Variants in STX2 observed in about 807,000 individuals in gnomAD.
The protein encoded by STX2 is syntaxin 2.
STX2 carries 27 observed loss-of-function variants against 40.6 expected under a neutral mutation model. The ratio of observed to expected loss-of-function variants is 0.66; its 90% confidence interval spans 0.49 to 0.92. STX2 has a LOEUF of 0.92. Among genes scored for constraint, STX2 ranks in the 40% least tolerant of loss-of-function variants. The probability of loss-of-function intolerance (pLI) is 0.00; values close to 1 mark genes in which losing one functional copy is unlikely to be tolerated. For missense variants in STX2, 328 were observed against 366.1 expected (o/e 0.90, Z 0.85); for synonymous variants, 123 against 119.1 (o/e 1.03, Z -0.22).
Position 130,839,223 on chromosome 12 carries a change from C to A in STX2, c.-124G>T, listed in dbSNP as rs867862842. ...CCCGGCCCGGCGCCAGCAGCCCTCC[C>A]TGGAGCCGGCGCTGCCACGGCAACC... On this transcript the variant is annotated 5_prime_UTR_variant, in exon 1 of 11. The change creates a new upstream start codon in the 5' untranslated region. Coordinates refer to ENST00000392373, the MANE Select transcript of STX2 (RefSeq NM_194356.4). 2.3e-6 allele frequency: 2 copies of A among 877,798 alleles called. No individual in the cohort carries two copies. The highest frequency in any genetic ancestry group is 2.8e-6 in the Non-Finnish European group (2 of 717,028). 54.4% of individuals were successfully genotyped at this position (877,798 alleles called of 1,614,324 possible).
intron 2 of STX2, among the ~76,000 whole-genome samples, chr12:130,822,059 C>T (rs1479456564): frequency 6.6e-6 from 1 of 152,190 alleles, no homozygotes; most frequent in African/African-American, 2.4e-5. Context: ...CCAAGCATGA[C>T]ACAGATGGGG....
chr12:130,812,910 A>G, intron 4 of STX2, 47 bp downstream of exon 4: 1 of 1,264,894 alleles, frequency 7.9e-7, no homozygotes, highest in Middle Eastern at 2.0e-4. Flanking sequence ...AATAACAAAT[A>G]CCCATACTCC....
chr12:130,827,468 A>G (rs1189967003), intron 1 of STX2, among the ~76,000 whole-genome samples: 2 of 152,240 alleles, frequency 1.3e-5, no homozygotes, highest in Admixed American at 1.3e-4. Context: ...TGAAGCAGCC[A>G]GAAGGTGGAA....
At chr12:130,799,719 TAGG>T (rs1436321765) in intron 8 of STX2, among the ~76,000 whole-genome samples, 1 of 150,988 alleles carries the variant, frequency 6.6e-6, no homozygotes, top group Non-Finnish European at 1.5e-5. Context: ...GAGGCTGAGG[TAGG>T]AGAACTGCTT....
chr12:130,838,734 G>C (rs189540082), intron 1 of STX2, among the ~76,000 whole-genome samples: 1 of 152,126 alleles, frequency 6.6e-6, no homozygotes, highest in Non-Finnish European at 1.5e-5. Context: ...GCGGAGTGAC[G>C]GACAGGGAGC....
At chr12:130,814,466 G>A (rs973797803) in intron 3 of STX2, among the ~76,000 whole-genome samples, 1 of 151,998 alleles carries the variant, frequency 6.6e-6, no homozygotes, top group African/African-American at 2.4e-5. Flanking sequence ...CAGAGCAGCG[G>A]GACGGTGGGC....
chr12:130,806,863 G>T, intron 6 of STX2, 119 bp downstream of exon 6: 4 of 945,718 alleles, frequency 4.2e-6, no homozygotes, highest in Non-Finnish European at 6.4e-6. Flanking sequence ...TGGTCTTTGG[G>T]TTTTACACTA....
At chr12:130,820,903 A>C (rs1952087678) in intron 3 of STX2, among the ~76,000 whole-genome samples, 1 of 151,940 alleles carries the variant, frequency 6.6e-6, no homozygotes, top group South Asian at 2.1e-4. Context: ...TGATGTGTGG[A>C]CTCCTATTTG....
At chr12:130,838,809 T>G (rs1404731787) in intron 1 of STX2, among the ~76,000 whole-genome samples, 1 of 150,914 alleles carries the variant, frequency 6.6e-6, no homozygotes, top group African/African-American at 2.4e-5. Flanking sequence ...CAACCCGCCC[T>G]GAGGACTCCG....
At chr12:130,818,134 A>T (rs1364400223) in intron 3 of STX2, among the ~76,000 whole-genome samples, 4 of 142,066 alleles carry the variant, frequency 2.8e-5, no homozygotes, top group African/African-American at 5.4e-5. Flanking sequence ...GGGAGGGGAC[A>T]GGAGAGGGGT....
chr12:130,816,492 A>G (rs1951864954), intron 3 of STX2, among the ~76,000 whole-genome samples: 1 of 152,174 alleles, frequency 6.6e-6, no homozygotes, highest in Admixed American at 6.5e-5. Context: ...CGCAGGCCAT[A>G]AGGTCACATT....
At chr12:130,812,707 A>C (rs1011603992) in intron 4 of STX2, 28 of 364,312 alleles carry the variant, frequency 7.7e-5, no homozygotes, top group East Asian at 2.4e-4. Context: ...GAGCCTGGCA[A>C]CTCACCTTCC....
At chr12:130,838,931 G>T in intron 1 of STX2, 139 bp downstream of exon 1, 1 of 741,220 alleles carries the variant, frequency 1.3e-6, no homozygotes, top group Non-Finnish European at 1.7e-6. Flanking sequence ...GACCCTGCCC[G>T]CAGCCCCCGC....
At position 130,834,057 on chromosome 12, in the gene STX2, G is replaced by A. The variant is rs561817011; in HGVS notation, c.30+5013C>T. ...GGAACATGCGAGGAAAGGGAGGCAG[G>A]AAGGCTTCCCAGTGATGCCTAACCT... On this transcript the variant is annotated intron_variant, in intron 1 of 10. Coordinates refer to ENST00000392373, the MANE Select transcript of STX2 (RefSeq NM_194356.4). Among the ~76,000 whole-genome samples, 4 of 152,300 alleles carry A rather than the reference G, an allele frequency of 2.6e-5. No individual in the cohort carries two copies. In the East Asian group the frequency reaches 7.7e-4, roughly 29 times the overall value.
intron 1 of STX2, among the ~76,000 whole-genome samples, chr12:130,829,378 ACACAGTGCAGGGAT>A (rs1952466910): frequency 6.6e-6 from 1 of 151,972 alleles, no homozygotes; most frequent in Non-Finnish European, 1.5e-5. Context: ...GGAGGCTGAA[ACACAGTGCAGGGAT>A]CACTCGCAGG....
rs561347466 is a variant in STX2, at chr12:130,790,561, T to C, written c.*1462A>G. On this transcript the variant is annotated 3_prime_UTR_variant, in exon 11 of 11. Transcript: ENST00000392373. ...AATGAGCAATAAAAAGGTTTAATTA[T>C]CATGAATCCCTATACATTTTGGAAA... 6.6e-6 allele frequency: 1 copy of C among 152,364 alleles called. No homozygotes were observed. The highest frequency in any genetic ancestry group is 2.4e-5 in the African/African-American group (1 of 41,582). The allele number at this position is 152,364 out of a possible 1,614,324, so 9.4% of individuals were successfully genotyped here. A position where few individuals can be genotyped will look rare whatever the true frequency, so the allele number is the denominator to read the frequency against.
At chr12:130,818,912 ATG>A (rs1440966628) in intron 3 of STX2, among the ~76,000 whole-genome samples, 1 of 152,140 alleles carries the variant, frequency 6.6e-6, no homozygotes, top group Non-Finnish European at 1.5e-5. Flanking sequence ...CACACACTTC[ATG>A]CTCCTGCAGG....
intron 9 of STX2, among the ~76,000 whole-genome samples, chr12:130,796,508 C>T (rs1380588636): frequency 1.3e-5 from 2 of 152,000 alleles, no homozygotes; most frequent in Non-Finnish European, 2.9e-5. Context: ...TAAAATAAAG[C>T]AAAACAACCC....
intron 1 of STX2, among the ~76,000 whole-genome samples, chr12:130,830,438 T>C (rs1257933479): frequency 1.3e-5 from 2 of 152,030 alleles, no homozygotes; most frequent in African/African-American, 4.8e-5. Context: ...GTGGCGTCAA[T>C]CCTCCTCCAC....
Sources: gnomAD v4.1 joint callset for allele counts (sites outside exome capture counted in the v4.1 genomes callset) on GRCh38, gnomAD v4.1.1 for gene constraint, MANE v1.5 for transcripts, NCBI Gene and HGNC (gene_info 2026-07-23, HGNC 2026-07-21) for gene names.